Variants in WWOX observed in about 807,000 individuals in gnomAD.
WWOX encodes WW domain-containing oxidoreductase.
WWOX carries 69 observed loss-of-function variants against 46.2 expected under a neutral mutation model. The ratio of observed to expected loss-of-function variants is 1.49; its 90% confidence interval spans 1.23 to 1.82. The LOEUF (loss-of-function observed/expected upper bound fraction) is 1.82. WWOX is among the 40% of genes most tolerant of loss of function. The probability of loss-of-function intolerance (pLI) is 0.00; values close to 1 mark genes in which losing one functional copy is unlikely to be tolerated. For synonymous variants in WWOX, 359 were observed against 202.6 expected (o/e 1.77, Z -6.56); for missense variants, 919 against 542.6 (o/e 1.69, Z -6.89).
chr16:79,056,915 A>C (rs572351243), intron 8 of WWOX, among the ~76,000 whole-genome samples: 1 of 152,372 alleles, frequency 6.6e-6, no homozygotes, highest in African/African-American at 2.4e-5. Flanking sequence ...ACATAGTGCT[A>C]AAATTAAGGA....
intron 8 of WWOX, chr16:78,552,422 G>T (rs2044195769): frequency 6.6e-6 from 1 of 152,202 alleles, no homozygotes; most frequent in African/African-American, 2.4e-5. Flanking sequence ...GCTATTTACA[G>T]TTTATACAGT....
At chr16:78,876,558 T>C (rs893307679) in intron 8 of WWOX, among the ~76,000 whole-genome samples, 1 of 152,034 alleles carries the variant, frequency 6.6e-6, no homozygotes, top group African/African-American at 2.4e-5. Flanking sequence ...CTTTCTTCTC[T>C]CTCCCAGTGT....
rs201417061 is a variant in WWOX, at chr16:78,432,580, G to C, written c.884G>C (p.Arg295Thr). 6.2e-7 allele frequency: 1 copy of C among 1,614,182 alleles called. No homozygotes were observed. The highest frequency in any genetic ancestry group is 8.5e-7 in the Non-Finnish European group (1 of 1,180,036). Residue 295 changes from arginine (R) to threonine (T), a missense_variant, in exon 8 of 9, where the codon AGG becomes ACG. Physicochemically the swap from Arg to Thr is moderately conservative, Grantham distance 71. Transcript: ENST00000566780. ...NDYWAMLAYNRSKLCNILFSN... is the reference protein window; with the variant it reads ...NDYWAMLAYNTSKLCNILFSN... ...TATTGGGCGATGCTGGCTTATAACA[G>C]GTCCAAGCTCTGCAACATCCTCTTC...
chr16:78,800,201 G>A (rs568188863), intron 8 of WWOX, among the ~76,000 whole-genome samples: 5 of 152,132 alleles, frequency 3.3e-5, no homozygotes, highest in Non-Finnish European at 2.9e-5. Flanking sequence ...AAAATATGGC[G>A]GTAGATGCGA....
intron 8 of WWOX, among the ~76,000 whole-genome samples, chr16:78,589,491 C>A (rs1474058480): frequency 6.6e-6 from 1 of 152,166 alleles, no homozygotes; most frequent in Non-Finnish European, 1.5e-5. Flanking sequence ...TTTTCCTCAT[C>A]ATCTCAGCCT....
At chr16:78,155,125 A>T (rs538527877) in intron 4 of WWOX, among the ~76,000 whole-genome samples, 1 of 152,058 alleles carries the variant, frequency 6.6e-6, no homozygotes. Flanking sequence ...GATCTCCCCA[A>T]TGTTTTAATG....
intron 8 of WWOX, among the ~76,000 whole-genome samples, chr16:79,072,760 T>C (rs966445275): frequency 6.6e-6 from 1 of 152,234 alleles, no homozygotes; most frequent in African/African-American, 2.4e-5. Flanking sequence ...TCTTCAACTT[T>C]GCCTGTATAT....
At chr16:78,423,485 T>G (rs1302226917) in intron 6 of WWOX, among the ~76,000 whole-genome samples, 4 of 152,146 alleles carry the variant, frequency 2.6e-5, no homozygotes. Flanking sequence ...TTCTTATTGG[T>G]ACAGTATGAT....
chr16:78,625,397 C>G (rs1190852071), intron 8 of WWOX, among the ~76,000 whole-genome samples: 3 of 152,160 alleles, frequency 2.0e-5, no homozygotes, highest in Non-Finnish European at 4.4e-5. Flanking sequence ...AATCCACAAC[C>G]TACTACTAGA....
intron 8 of WWOX, among the ~76,000 whole-genome samples, chr16:79,005,522 G>A (rs983112996): frequency 6.6e-6 from 1 of 152,142 alleles, no homozygotes. Flanking sequence ...AAAACTCTAT[G>A]GGGGCGTCCT....
chr16:78,558,071 C>T (rs935740391), intron 8 of WWOX, among the ~76,000 whole-genome samples: 1 of 152,070 alleles, frequency 6.6e-6, no homozygotes, highest in African/African-American at 2.4e-5. Flanking sequence ...ACTTAGGTCA[C>T]AGATGTGGGG....
At chr16:78,743,833 T>C (rs2049286640) in intron 8 of WWOX, among the ~76,000 whole-genome samples, 1 of 152,314 alleles carries the variant, frequency 6.6e-6, no homozygotes, top group East Asian at 1.9e-4. Context: ...TTCATTTCCA[T>C]GAGGTGTACA....
At chr16:78,940,128 G>C (rs1025390022) in intron 8 of WWOX, among the ~76,000 whole-genome samples, 2 of 152,076 alleles carry the variant, frequency 1.3e-5, no homozygotes, top group African/African-American at 4.8e-5. Flanking sequence ...CGAGACTTGG[G>C]ACAATAATAT....
At chr16:78,395,475 G>A (rs72796091) in intron 6 of WWOX, among the ~76,000 whole-genome samples, 9,570 of 152,156 alleles carry the variant, frequency 0.063, 382 homozygotes, top group South Asian at 0.17. Flanking sequence ...TCATGCTACT[G>A]CACTCCAGCC....
intron 8 of WWOX, among the ~76,000 whole-genome samples, chr16:78,828,938 T>G (rs576085851): frequency 1.3e-5 from 2 of 152,312 alleles, no homozygotes; most frequent in Admixed American, 1.3e-4. Flanking sequence ...TCAAAACTTA[T>G]AGAGGTTAAA....
intron 4 of WWOX, among the ~76,000 whole-genome samples, chr16:78,151,156 C>G (rs560223847): frequency 6.6e-6 from 1 of 151,750 alleles, no homozygotes; most frequent in African/African-American, 2.4e-5. Flanking sequence ...GGATTACAGG[C>G]ATGAGACCCC....
At chr16:78,544,358 T>A (rs2043970632) in intron 8 of WWOX, among the ~76,000 whole-genome samples, 1 of 152,212 alleles carries the variant, frequency 6.6e-6, no homozygotes, top group African/African-American at 2.4e-5. Flanking sequence ...CTTCTGAACA[T>A]TTTGCATTCT....
intron 5 of WWOX, among the ~76,000 whole-genome samples, chr16:78,374,699 C>A (rs940318124): frequency 1.3e-4 from 19 of 151,942 alleles, no homozygotes; most frequent in Admixed American, 1.3e-4. Context: ...CAGGTGCCCG[C>A]CACCAGGCCT....
intron 4 of WWOX, among the ~76,000 whole-genome samples, chr16:78,127,125 ATGACCCG>A (rs1244933727): frequency 1.3e-5 from 2 of 152,180 alleles, no homozygotes; most frequent in African/African-American, 4.8e-5. Context: ...TCCTATCTGT[ATGACCCG>A]AGCAAGTTAC....
Sources: gnomAD v4.1 joint callset for allele counts (sites outside exome capture counted in the v4.1 genomes callset) on GRCh38, gnomAD v4.1.1 for gene constraint, MANE v1.5 for transcripts, NCBI Gene and HGNC (gene_info 2026-07-23, HGNC 2026-07-21) for gene names.